The following PLCL1 variants were observed in gnomAD, a reference collection of about 807,000 sequenced individuals.
PLCL1 encodes the protein inactive phospholipase C-like protein 1.
A neutral mutation model predicts 84.4 loss-of-function variants in PLCL1; 41 were observed. That is an observed-to-expected ratio of 0.49 (90% CI 0.38 to 0.63). PLCL1 has a LOEUF of 0.63. PLCL1 is among the 30% of genes least tolerant of loss of function. The pLI, the probability that PLCL1 is intolerant of heterozygous loss-of-function variation, is 0.00. For missense variants in PLCL1, 1,206 were observed against 1,367.8 expected (o/e 0.88, Z 1.87); for synonymous variants, 490 against 488.3 (o/e 1.00, Z -0.05).
chr2:198,128,402 A>G (rs1372693028), intron 5 of PLCL1, among the ~76,000 whole-genome samples: 1 of 152,132 alleles, frequency 6.6e-6, no homozygotes, highest in East Asian at 1.9e-4. Flanking sequence ...CTGTCTCCCC[A>G]GGATCAGAGT....
At chr2:198,143,507 G>A (rs1694438577) in intron 5 of PLCL1, among the ~76,000 whole-genome samples, 1 of 152,170 alleles carries the variant, frequency 6.6e-6, no homozygotes, top group Non-Finnish European at 1.5e-5. Flanking sequence ...GGGAGATCTG[G>A]TATAAGCTGG....
intron 5 of PLCL1, among the ~76,000 whole-genome samples, chr2:198,109,956 A>C (rs1176422149): frequency 1.3e-5 from 2 of 151,498 alleles, no homozygotes; most frequent in Admixed American, 1.3e-4. Flanking sequence ...ATAATTAATA[A>C]ATATTTTATT....
chr2:197,911,047 C>A (rs1406823802), intron 1 of PLCL1, among the ~76,000 whole-genome samples: 1 of 152,112 alleles, frequency 6.6e-6, no homozygotes, highest in African/African-American at 2.4e-5. Context: ...ACACCTTATT[C>A]AAAAACTCCA....
At chr2:197,948,707 G>A (rs1262878383) in intron 1 of PLCL1, among the ~76,000 whole-genome samples, 2 of 152,128 alleles carry the variant, frequency 1.3e-5, no homozygotes, top group Non-Finnish European at 2.9e-5. Context: ...TTAGCATTTT[G>A]ATGAAAGATG....
intron 1 of PLCL1, among the ~76,000 whole-genome samples, chr2:197,885,166 T>G (rs1027129768): frequency 2.0e-5 from 3 of 152,194 alleles, no homozygotes; most frequent in Non-Finnish European, 4.4e-5. Flanking sequence ...TCTGAATTAG[T>G]CAGGGTTCTC....
In PLCL1 at chr2:197,805,247, G is replaced by T. The variant is rs917862563; in HGVS notation, c.148G>T (p.Ala50Ser). 7.9e-7 allele frequency: 1 copy of T among 1,268,590 alleles called. No individual in the cohort carries two copies. Among genetic ancestry groups the T allele is most frequent in the Admixed American group, 4.2e-5 (1 of 23,806 alleles). The allele number at this position is 1,268,590 out of a possible 1,614,324, so 78.6% of individuals were successfully genotyped here. A position where few individuals can be genotyped will look rare whatever the true frequency, so the allele number is the denominator to read the frequency against. Reference protein sequence around the residue: ...GRMRDRRSGVALPGAAGTPAD... With the variant: ...GRMRDRRSGVSLPGAAGTPAD... Reference sequence around the variant, plus strand: ...GATGAGGGACCGTCGCAGCGGGGTCGCACTGCCAGGCGCCGCGGGGACCCC... The same window carrying T: ...GATGAGGGACCGTCGCAGCGGGGTCTCACTGCCAGGCGCCGCGGGGACCCC... Residue 50 changes from alanine (A) to serine (S), a missense_variant, in exon 1 of 6, where the codon GCA becomes TCA. Transcript: ENST00000428675. The surrounding 1 kb of genome is among the most constrained non-coding windows in gnomAD (Gnocchi z 4.0).
At chr2:197,873,822 G>A (rs935101541) in intron 1 of PLCL1, among the ~76,000 whole-genome samples, 5 of 152,122 alleles carry the variant, frequency 3.3e-5, no homozygotes, top group African/African-American at 1.2e-4. Context: ...CACAATCTGA[G>A]CTTAAATTGC....
intron 1 of PLCL1, among the ~76,000 whole-genome samples, chr2:197,932,136 A>T (rs1043485152): frequency 6.6e-6 from 1 of 152,008 alleles, no homozygotes; most frequent in African/African-American, 2.4e-5. Context: ...ACTCATATTG[A>T]TTGCACGGTC....
intron 1 of PLCL1, among the ~76,000 whole-genome samples, chr2:198,003,849 T>C (rs1690665038): frequency 6.6e-6 from 1 of 152,174 alleles, no homozygotes; most frequent in Non-Finnish European, 1.5e-5. Context: ...TGAAAAAGGT[T>C]GATGGATTGA....
At chr2:197,983,720 C>A (rs181766389) in intron 1 of PLCL1, among the ~76,000 whole-genome samples, 2 of 152,244 alleles carry the variant, frequency 1.3e-5, no homozygotes, top group Non-Finnish European at 2.9e-5. Flanking sequence ...CTGTAGGGAT[C>A]GAGTTAGAAT....
Position 197,807,227 on chromosome 2 carries a change from T to C in PLCL1, c.240+1888T>C, listed in dbSNP as rs148871723. Among the ~76,000 whole-genome samples, 507 of 152,336 alleles carry C rather than the reference T, an allele frequency of 3.3e-3. 3 individuals carry two copies. The highest frequency in any genetic ancestry group is 0.012 in the African/African-American group (483 of 41,576). ...CTCAGACACTCCACATTCCCACTTA[T>C]GTAGTCCACCCTCATAGATGTTAAC... On this transcript the variant is annotated intron_variant, in intron 1 of 5. Transcript: ENST00000428675.
At chr2:198,043,761 A>G (rs2105861602) in intron 1 of PLCL1, among the ~76,000 whole-genome samples, 1 of 151,974 alleles carries the variant, frequency 6.6e-6, no homozygotes, top group South Asian at 2.1e-4. Context: ...AGAGAAGGGG[A>G]TGGTGGCTTG....
intron 1 of PLCL1, among the ~76,000 whole-genome samples, chr2:197,978,440 T>C (rs1690032077): frequency 6.6e-6 from 1 of 152,148 alleles, no homozygotes; most frequent in African/African-American, 2.4e-5. Context: ...ATGGCGGCAC[T>C]GCACTCCAGC....
rs148021312 is a variant in PLCL1, at chr2:198,075,421, C to G, written c.241-8337C>G. Among the ~76,000 whole-genome samples the G allele has an allele frequency of 9.8e-3, 1,495 of 152,316 alleles. 7 individuals are homozygous for G. The highest frequency in any genetic ancestry group is 0.017 in the Non-Finnish European group (1,169 of 68,026). On this transcript the variant is annotated intron_variant, in intron 1 of 5. Coordinates refer to ENST00000428675, the MANE Select transcript of PLCL1 (RefSeq NM_006226.4). Reference sequence around the variant, plus strand: ...CCTCATTTTGTTCAAATTGACGCAGCTAAAGCACAGTATTAACAAAACTAC... The same window carrying G: ...CCTCATTTTGTTCAAATTGACGCAGGTAAAGCACAGTATTAACAAAACTAC...
At chr2:198,098,709 A>G (rs1270326100) in intron 3 of PLCL1, among the ~76,000 whole-genome samples, 1 of 152,198 alleles carries the variant, frequency 6.6e-6, no homozygotes, top group Non-Finnish European at 1.5e-5. Flanking sequence ...TAATATGACG[A>G]AAGTGCATCT....
intron 1 of PLCL1, among the ~76,000 whole-genome samples, chr2:198,060,093 G>A (rs145996924): frequency 1.9e-3 from 284 of 152,162 alleles, no homozygotes; most frequent in African/African-American, 6.5e-3. Context: ...TACTGAATTC[G>A]AGTCCTTTGA....
chr2:197,828,062 G>T (rs1285306477), intron 1 of PLCL1, among the ~76,000 whole-genome samples: 1 of 152,020 alleles, frequency 6.6e-6, no homozygotes, highest in Non-Finnish European at 1.5e-5. Flanking sequence ...TTTAGGTCAT[G>T]TTTTAGAGAT....
intron 1 of PLCL1, among the ~76,000 whole-genome samples, chr2:198,022,054 T>A (rs974210461): frequency 1.3e-5 from 2 of 152,204 alleles, no homozygotes; most frequent in African/African-American, 4.8e-5. Flanking sequence ...GTTGGCTTCA[T>A]CCCTGGGATG....
At chr2:197,897,173 T>TCTCCTC in intron 1 of PLCL1, among the ~76,000 whole-genome samples, 1 of 51,802 alleles carries the variant, frequency 1.9e-5, no homozygotes, top group East Asian at 4.7e-4. Flanking sequence ...TTCTTCTTCT[T>TCTCCTC]CTTCTTCTTC....
Sources: allele counts gnomAD v4.1 joint callset (sites outside exome capture counted in the v4.1 genomes callset), GRCh38; gene constraint gnomAD v4.1.1; non-coding constraint Gnocchi (gnomAD v3.1); transcripts MANE v1.5; gene names NCBI Gene and HGNC (gene_info 2026-07-23, HGNC 2026-07-21).